The following VPS8 variants were observed in gnomAD, a reference collection of about 807,000 sequenced individuals.
The protein encoded by VPS8 is VPS8 subunit of CORVET complex.
VPS8 carries 129 observed loss-of-function variants against 216.4 expected under a neutral mutation model. The ratio of observed to expected loss-of-function variants is 0.60; its 90% confidence interval spans 0.52 to 0.69. The LOEUF (loss-of-function observed/expected upper bound fraction) is 0.69, where lower values mean the gene tolerates loss of function less well. Among genes scored for constraint, VPS8 ranks in the 30% least tolerant of loss-of-function variants. VPS8 has a pLI of 0.00. For synonymous variants in VPS8, 571 were observed against 565.4 expected (o/e 1.01, Z -0.14); for missense variants, 1,531 against 1,683.5 (o/e 0.91, Z 1.59).
chr3:184,831,071 G>A (rs1719885803), intron 3 of VPS8, among the ~76,000 whole-genome samples: 1 of 152,196 alleles, frequency 6.6e-6, no homozygotes, highest in Non-Finnish European at 1.5e-5. Context: ...AGGTTGGGCT[G>A]AGAAGAAGCT....
intron 9 of VPS8, chr3:184,849,443 C>T (rs1577885156): frequency 3.1e-6 from 1 of 327,868 alleles, no homozygotes; most frequent in Middle Eastern, 8.9e-4. Context: ...TTTTTGTAAA[C>T]CAACCAGGGA....
chr3:184,891,680 G>T (rs1732385133), intron 22 of VPS8, among the ~76,000 whole-genome samples: 1 of 152,014 alleles, frequency 6.6e-6, no homozygotes, highest in African/African-American at 2.4e-5. Flanking sequence ...AGAGCATTTT[G>T]AACATAATTT....
intron 36 of VPS8, among the ~76,000 whole-genome samples, chr3:184,950,090 T>C (rs138955842): frequency 1.5e-3 from 229 of 151,750 alleles, no homozygotes; most frequent in African/African-American, 5.2e-3. Context: ...ATGTTTTTAG[T>C]AGAGATGAGG....
chr3:184,988,625 G>A (rs1371561710), intron 42 of VPS8, among the ~76,000 whole-genome samples: 1 of 152,084 alleles, frequency 6.6e-6, no homozygotes, highest in Non-Finnish European at 1.5e-5. Flanking sequence ...TTATTGTGTT[G>A]GCCATTCCTT....
At chr3:184,922,369 T>A (rs1394167186) in intron 29 of VPS8, 2 of 448,948 alleles carry the variant, frequency 4.5e-6, no homozygotes, top group East Asian at 7.0e-5. Context: ...TTCCTGAAGG[T>A]AGAGACTGTG....
intron 39 of VPS8, among the ~76,000 whole-genome samples, chr3:184,969,200 C>T (rs1410678864): frequency 1.3e-5 from 2 of 151,938 alleles, no homozygotes; most frequent in Non-Finnish European, 2.9e-5. Flanking sequence ...TCACTGCAAC[C>T]TCTGCCTCCC....
At chr3:184,843,125 A>C (rs921511129) in intron 7 of VPS8, 115 bp from the exon 8 acceptor site, 9 of 670,750 alleles carry the variant, frequency 1.3e-5, no homozygotes, top group Admixed American at 1.0e-4. Context: ...CCCACAGATA[A>C]CTAAAGCTTG....
chr3:184,898,787 A>G (rs530281242), intron 24 of VPS8, 133 bp downstream of exon 24: 1 of 682,370 alleles, frequency 1.5e-6, no homozygotes, highest in African/African-American at 1.9e-5. Context: ...TTGACCTTGA[A>G]CCCATTTTAG....
intron 34 of VPS8, among the ~76,000 whole-genome samples, chr3:184,935,470 A>T (rs1004749267): frequency 6.6e-6 from 1 of 152,194 alleles, no homozygotes; most frequent in African/African-American, 2.4e-5. Context: ...TTGCAGTCAT[A>T]GTGGTTTGTC....
chr3:184,824,593 A>C lies in VPS8; in HGVS notation c.-40A>C. The stretch of plus-strand genomic sequence containing the variant: ...AGCTAAGGCCAAACAAACAAAAAAC[A>C]CTTGCTTTGATGGACTGAATACTGT... On this transcript the variant is annotated 5_prime_UTR_variant, in exon 2 of 48. Transcript: ENST00000625842. 6.3e-7 allele frequency: 1 copy of C among 1,579,520 alleles called. No individual in the cohort carries two copies. Among genetic ancestry groups the C allele is most frequent in the Non-Finnish European group, 8.6e-7 (1 of 1,161,140 alleles).
intron 3 of VPS8, among the ~76,000 whole-genome samples, chr3:184,827,981 A>G (rs987118768): frequency 2.0e-5 from 3 of 152,192 alleles, no homozygotes; most frequent in African/African-American, 7.2e-5. Flanking sequence ...GGGGAGTACT[A>G]AAGAAAATGA....
chr3:184,888,589 C>T (rs1202371083), intron 22 of VPS8, among the ~76,000 whole-genome samples: 3 of 152,158 alleles, frequency 2.0e-5, no homozygotes, highest in Non-Finnish European at 4.4e-5. Flanking sequence ...ATCAGTTTTA[C>T]ATATTCTACT....
chr3:184,821,596 C>T (rs1717607066), intron 1 of VPS8, among the ~76,000 whole-genome samples: 1 of 152,074 alleles, frequency 6.6e-6, no homozygotes, highest in Admixed American at 6.6e-5. Context: ...GGAAATCCAC[C>T]CGCCTCAGCC....
rs1313017309 is a variant in VPS8 at position 184,853,859 on chromosome 3, G to A, written c.824G>A (p.Arg275Lys). The change falls in exon 12 of 48, where the codon AGA becomes AAA. Residue 275 changes from arginine (R) to lysine (K), a missense_variant and splice_region_variant. Transcript: ENST00000625842. ...GAATTTTCAAATTGCATTTTCAGGA[G>A]AGTGATGGGAGTGAGAACCTGTGAA... is the stretch of plus-strand genomic sequence containing the variant. ...GGSVFELTFK[R>K]VMGVRTCESR... is the part of the protein sequence containing the mutation. 1 of 1,568,536 alleles carries A rather than the reference G, an allele frequency of 6.4e-7. No individual in the cohort carries two copies. Among genetic ancestry groups the A allele is most frequent in the East Asian group, 2.3e-5 (1 of 42,948 alleles).
intron 29 of VPS8, 129 bp downstream of exon 29, chr3:184,920,327 G>T (rs1228578093): frequency 8.3e-6 from 5 of 604,696 alleles, no homozygotes; most frequent in Non-Finnish European, 1.3e-5. Flanking sequence ...TTTTATTACG[G>T]TGTCTTTGTT....
chr3:185,050,637 G>A (rs1714014548), intron 47 of VPS8, among the ~76,000 whole-genome samples: 1 of 152,240 alleles, frequency 6.6e-6, no homozygotes, highest in Non-Finnish European at 1.5e-5. Context: ...GTGTTGTGAA[G>A]GATGAGAAAT....
chr3:184,966,560 AT>A, intron 38 of VPS8, 110 bp from the exon 39 acceptor site: 1 of 614,298 alleles, frequency 1.6e-6, no homozygotes, highest in Non-Finnish European at 2.7e-6. Flanking sequence ...ACTGTTCTTA[AT>A]AACCTTGTAG....
intron 22 of VPS8, chr3:184,893,334 C>G (rs935804966): frequency 1.0e-4 from 132 of 1,269,410 alleles, no homozygotes; most frequent in Non-Finnish European, 1.3e-4. Flanking sequence ...ATAAATAAAC[C>G]ATTTACCACT....
intron 46 of VPS8, among the ~76,000 whole-genome samples, chr3:185,029,899 T>C (rs1757881187): frequency 6.6e-6 from 1 of 152,234 alleles, no homozygotes; most frequent in South Asian, 2.1e-4. Flanking sequence ...TTTTGCATTA[T>C]AGATATTCTT....
Sources: gnomAD v4.1 joint callset for allele counts (sites outside exome capture counted in the v4.1 genomes callset) on GRCh38, gnomAD v4.1.1 for gene constraint, MANE v1.5 for transcripts, NCBI Gene and HGNC (gene_info 2026-07-23, HGNC 2026-07-21) for gene names.